SYNPR: variants seen among roughly 807,000 people sequenced by gnomAD.
SYNPR encodes the protein synaptoporin.
A neutral mutation model predicts 32.9 loss-of-function variants in SYNPR; 23 were observed. The observed-to-expected ratio is 0.70, with a 90% CI of 0.50 to 0.99. SYNPR has a LOEUF of 0.99. Among genes scored for constraint, SYNPR ranks in the 50% least tolerant of loss-of-function variants. SYNPR has a pLI of 0.00. For missense variants in SYNPR, 318 were observed against 349.3 expected (o/e 0.91, Z 0.71); for synonymous variants, 146 against 135.9 (o/e 1.07, Z -0.52).
chr3:63,574,216 A>G (rs1702940187), intron 4 of SYNPR, among the ~76,000 whole-genome samples: 1 of 152,194 alleles, frequency 6.6e-6, no homozygotes, highest in Non-Finnish European at 1.5e-5. Context: ...TATTCAGGCC[A>G]ATGATACAGA....
chr3:63,452,077 G>T (rs2107176908), intron 2 of SYNPR: 1 of 701,798 alleles, frequency 1.4e-6, no homozygotes, highest in South Asian at 1.5e-5. Flanking sequence ...TCAAAGAAAG[G>T]GTTTCTCAAA....
chr3:63,316,684 A>T (rs953062558), intron 2 of SYNPR, among the ~76,000 whole-genome samples: 1 of 151,838 alleles, frequency 6.6e-6, no homozygotes, highest in Non-Finnish European at 1.5e-5. Context: ...TCAAAGAACT[A>T]GTTTTTTGTT....
intron 2 of SYNPR, among the ~76,000 whole-genome samples, chr3:63,475,653 CAG>C (rs1700886270): frequency 6.6e-6 from 1 of 152,142 alleles, no homozygotes; most frequent in Non-Finnish European, 1.5e-5. Context: ...TATAGTATTA[CAG>C]AGTCATCCTC....
intron 2 of SYNPR, among the ~76,000 whole-genome samples, chr3:63,266,096 A>G (rs1042255181): frequency 6.6e-6 from 1 of 152,222 alleles, no homozygotes; most frequent in Non-Finnish European, 1.5e-5. Flanking sequence ...AAAGATCCAA[A>G]CCAGGTAACT....
intron 2 of SYNPR, among the ~76,000 whole-genome samples, chr3:63,366,245 G>A (rs982670502): frequency 6.6e-6 from 1 of 151,950 alleles, no homozygotes; most frequent in Non-Finnish European, 1.5e-5. Context: ...AAACCGAGGG[G>A]TTTTTTTCCC....
intron 4 of SYNPR, among the ~76,000 whole-genome samples, chr3:63,603,124 T>C (rs562186634): frequency 3.3e-4 from 50 of 152,136 alleles, no homozygotes; most frequent in Non-Finnish European, 4.7e-4. Context: ...TGAGCTTGTG[T>C]TCTTGGTTTG....
At chr3:63,200,970 A>T in the SYNPR span, among the ~76,000 whole-genome samples, 1 of 152,134 alleles carries the variant, frequency 6.6e-6, no homozygotes, top group Non-Finnish European at 1.5e-5. Context: ...GTAAATCTAG[A>T]TGTACCCAGG....
chr3:63,363,546 G>A (rs756984582), intron 2 of SYNPR, among the ~76,000 whole-genome samples: 4 of 152,146 alleles, frequency 2.6e-5, no homozygotes, highest in East Asian at 3.8e-4. Context: ...GCTGAAACAC[G>A]TAGGTTTGGG....
intron 2 of SYNPR, among the ~76,000 whole-genome samples, chr3:63,441,324 A>G (rs1203202715): frequency 1.3e-5 from 2 of 152,152 alleles, no homozygotes; most frequent in Non-Finnish European, 2.9e-5. Flanking sequence ...TTTACTTGCA[A>G]TGGGACTCTT....
intron 1 of SYNPR, among the ~76,000 whole-genome samples, chr3:63,234,970 C>A (rs982929635): frequency 1.3e-5 from 2 of 152,200 alleles, no homozygotes; most frequent in East Asian, 3.8e-4. Context: ...AATTTGTCTA[C>A]AATCTCCCCC....
At chr3:63,229,134 T>G (rs1464208691) in intron 1 of SYNPR, among the ~76,000 whole-genome samples, 1 of 152,164 alleles carries the variant, frequency 6.6e-6, no homozygotes, top group Non-Finnish European at 1.5e-5. Context: ...CACTGATAGA[T>G]TTATAGCCTT....
rs556292339 is a variant in SYNPR, at chr3:63,487,040, A to C, written c.209+6084A>C. Among the ~76,000 whole-genome samples, 6 of 152,312 alleles carry C rather than the reference A, an allele frequency of 3.9e-5. No individual in the cohort carries two copies. The South Asian group carries it at 1.2e-3, about 32-fold the overall frequency. ...ATATATTCTCCAAATTTGGTGATAAACCTTACAACCTTTCTCCTCGAAGGT... is the reference window on the plus strand; with the variant it reads ...ATATATTCTCCAAATTTGGTGATAACCCTTACAACCTTTCTCCTCGAAGGT... On this transcript the variant is annotated intron_variant, in intron 3 of 5. Transcript: ENST00000478300.
intron 2 of SYNPR, among the ~76,000 whole-genome samples, chr3:63,336,776 G>A (rs1156645526): frequency 2.6e-5 from 4 of 152,126 alleles, no homozygotes; most frequent in African/African-American, 9.6e-5. Flanking sequence ...AAAAACTTCT[G>A]CTCTGTGAAA....
intron 3 of SYNPR, among the ~76,000 whole-genome samples, chr3:63,499,425 T>C (rs1367806856): frequency 6.6e-6 from 1 of 152,172 alleles, no homozygotes; most frequent in Non-Finnish European, 1.5e-5. Flanking sequence ...ACTCGATTTC[T>C]TATTTGGGGA....
At chr3:63,519,486 G>T (rs540323155) in intron 3 of SYNPR, among the ~76,000 whole-genome samples, 1 of 152,192 alleles carries the variant, frequency 6.6e-6, no homozygotes, top group Non-Finnish European at 1.5e-5. Flanking sequence ...AGCAGAGCTT[G>T]CCCATAGCTG....
chr3:63,508,532 A>G (rs1261484108), intron 3 of SYNPR, among the ~76,000 whole-genome samples: 1 of 152,158 alleles, frequency 6.6e-6, no homozygotes, highest in African/African-American at 2.4e-5. Flanking sequence ...GATGTCATTG[A>G]GAAGCTGACA....
chr3:63,443,988 T>C (rs554615471), intron 2 of SYNPR, among the ~76,000 whole-genome samples: 13 of 152,328 alleles, frequency 8.5e-5, no homozygotes, highest in African/African-American at 3.1e-4. Context: ...TCCCCTACGA[T>C]TGGATGCATG....
intron 2 of SYNPR, among the ~76,000 whole-genome samples, chr3:63,468,158 C>T (rs1366752587): frequency 1.4e-5 from 2 of 141,808 alleles, no homozygotes; most frequent in Non-Finnish European, 3.0e-5. Context: ...GGTGCCGTTG[C>T]ACTCCAGCCT....
At chr3:63,367,903 T>C (rs2087747609) in intron 2 of SYNPR, among the ~76,000 whole-genome samples, 1 of 152,146 alleles carries the variant, frequency 6.6e-6, no homozygotes, top group Non-Finnish European at 1.5e-5. Flanking sequence ...GTGATAATAC[T>C]AGTAGTTAAA....
Sources: allele counts gnomAD v4.1 joint callset (sites outside exome capture counted in the v4.1 genomes callset), GRCh38; gene constraint gnomAD v4.1.1; transcripts MANE v1.5; gene names NCBI Gene and HGNC (gene_info 2026-07-23, HGNC 2026-07-21).